KCNIP2: variants seen among roughly 807,000 people sequenced by gnomAD.
KCNIP2 encodes the protein A-type potassium channel modulatory protein KCNIP2.
A neutral mutation model predicts 39.0 loss-of-function variants in KCNIP2; 19 were observed. That is an observed-to-expected ratio of 0.49 (90% confidence interval 0.34 to 0.71). The LOEUF (loss-of-function observed/expected upper bound fraction) is 0.71. Ranked by LOEUF, KCNIP2 falls within the 30% of genes least tolerant of loss-of-function variation. The pLI is 0.01. For missense variants in KCNIP2, 261 were observed against 346.0 expected, an observed-to-expected ratio of 0.75 and a Z score of 1.95; for synonymous variants, 111 against 131.2, an observed-to-expected ratio of 0.85 and a Z score of 1.05.
At position 101,834,416 on chromosome 10, in the gene KCNIP2, C is replaced by G. The variant is rs761630035; in HGVS notation, c.74-3249G>C. The G allele has an allele frequency of 1.5e-5, 6 of 398,960 alleles. No homozygotes were observed. The South Asian group carries it at 5.1e-4, about 34-fold the overall frequency. The allele number at this position is 398,960 out of a possible 1,614,324, so 24.7% of individuals were successfully genotyped here. On this transcript the variant is annotated intron_variant, in intron 1 of 9. Coordinates refer to ENST00000356640, the MANE Select transcript of KCNIP2 (RefSeq NM_173191.3). Reference sequence around the variant, plus strand: ...CTACAGGGCCCAGGTTCAGATACGCCGGTTCACCGCCTCACACCACCTCCC... The same window carrying G: ...CTACAGGGCCCAGGTTCAGATACGCGGGTTCACCGCCTCACACCACCTCCC...
chr10:101,832,148 T>G (rs1362313713), intron 1 of KCNIP2, among the ~76,000 whole-genome samples: 2 of 152,192 alleles, frequency 1.3e-5, no homozygotes, highest in East Asian at 3.8e-4. Flanking sequence ...GTAAACTTTG[T>G]GGCAATAAGA....
chr10:101,831,275 G>A lies in KCNIP2; in HGVS notation c.74-108C>T, dbSNP rs896146147. The A allele has an allele frequency of 8.1e-6, 7 of 868,276 alleles. No individual in the cohort carries two copies. In the African/African-American group the frequency reaches 1.2e-4, roughly 15 times the overall value. 53.8% of individuals were successfully genotyped at this position (868,276 alleles called of 1,614,324 possible). A position where few individuals can be genotyped will look rare whatever the true frequency, so the allele number is the denominator to read the frequency against. ...CAACCCCATCTGGGGACCGGGCTGGGGGAGGAATTAAGGGGAGGAAAGGAA... is the reference window on the plus strand; with the variant it reads ...CAACCCCATCTGGGGACCGGGCTGGAGGAGGAATTAAGGGGAGGAAAGGAA... On this transcript the variant is annotated intron_variant, in intron 1 of 9. Coordinates refer to ENST00000356640, the MANE Select transcript of KCNIP2 (RefSeq NM_173191.3).
rs1339953903 is a variant in KCNIP2, at chr10:101,829,099, C to A, written c.324G>T (p.Gln108His). Residue 108 changes from glutamine to histidine, a missense_variant, in exon 4 of 10, where the codon CAG (glutamine) becomes CAT (histidine). Physicochemically the swap from Gln to His is conservative, Grantham distance 24 (BLOSUM62 0). Transcript: ENST00000356640. ...CGTTCTTGAAGCCCCGGTACAGGAC[C>A]TGCAACTCCTTGCGCGTGAATTTGG... ...EQTKFTRKEL[Q>H]VLYRGFKNEC... 1.9e-6 allele frequency: 3 copies of A among 1,614,096 alleles called. No homozygotes were observed. The Admixed American group carries it at 5.0e-5, about 27-fold the overall frequency.
chr10:101,842,659 G>A (rs1438483501), intron 1 of KCNIP2, among the ~76,000 whole-genome samples: 1 of 152,194 alleles, frequency 6.6e-6, no homozygotes, highest in Admixed American at 6.5e-5. Context: ...CTGGGCAGCT[G>A]AACACTAAAG....
chr10:101,831,400 C>A (rs151226756), intron 1 of KCNIP2, among the ~76,000 whole-genome samples: 1 of 152,108 alleles, frequency 6.6e-6, no homozygotes, highest in Non-Finnish European at 1.5e-5. Flanking sequence ...GACAGCGAGG[C>A]GGCAAGGATG....
chr10:101,828,307 A>T lies in KCNIP2; in HGVS notation c.490-49T>A, dbSNP rs749986874. On this transcript the variant is annotated intron_variant, in intron 6 of 9. Transcript: ENST00000356640. The surrounding 1 kb of genome is among the most constrained non-coding windows in gnomAD (Gnocchi z 6.6). ...TGTGTCCTCGGGTACTCTTCACCCA[A>T]CTCCTTCTCTGGGTTTGGCCTGGAG... 10 of 1,609,530 alleles carry T rather than the reference A, an allele frequency of 6.2e-6. No individual in the cohort carries two copies. The highest frequency in any genetic ancestry group is 8.5e-6 in the Non-Finnish European group (10 of 1,176,284).
At position 101,829,047 on chromosome 10, in the gene KCNIP2, G is replaced by A. The variant is rs767300433; in HGVS notation, c.348+28C>T. On this transcript the variant is annotated intron_variant, in intron 4 of 9. Coordinates refer to ENST00000356640, the MANE Select transcript of KCNIP2 (RefSeq NM_173191.3). ...GCTTGGGTCCTCCTGTCCCACCCTC[G>A]CTGAGTTTGGCCTCGCCTTGCACTC... The A allele has an allele frequency of 1.0e-5, 16 of 1,604,732 alleles. No individual in the cohort carries two copies. The South Asian group carries it at 1.3e-4, about 13-fold the overall frequency.
At chr10:101,840,368 G>A (rs937814058) in intron 1 of KCNIP2, among the ~76,000 whole-genome samples, 1 of 151,952 alleles carries the variant, frequency 6.6e-6, no homozygotes, top group African/African-American at 2.4e-5. Context: ...GGAGAAAGAG[G>A]CCAGTGTATT....
chr10:101,830,476 A>C (rs2065933814), intron 2 of KCNIP2: 10 of 1,273,170 alleles, frequency 7.9e-6, no homozygotes, highest in Non-Finnish European at 1.0e-5. Context: ...ACAGGCCGCC[A>C]CAGCTACACA....
intron 1 of KCNIP2, chr10:101,839,731 T>C (rs1372684311): frequency 2.5e-6 from 4 of 1,607,782 alleles, no homozygotes; most frequent in East Asian, 2.2e-5. Context: ...ATCCTGCCCC[T>C]CCCTTCCCTT....
At position 101,826,999 on chromosome 10, in the gene KCNIP2, G is replaced by C. The variant is rs769517105; in HGVS notation, c.*354C>G. ...CTTAGGGGAAATGTTTATGAGGTCAGGGATGGGGGAAGCACCATAGCAGGA... is the reference window on the plus strand; with the variant it reads ...CTTAGGGGAAATGTTTATGAGGTCACGGATGGGGGAAGCACCATAGCAGGA... On this transcript the variant is annotated 3_prime_UTR_variant, in exon 10 of 10. Coordinates refer to ENST00000356640, the MANE Select transcript of KCNIP2 (RefSeq NM_173191.3). 5.8e-5 allele frequency: 12 copies of C among 206,398 alleles called. No individual in the cohort carries two copies. The highest frequency in any genetic ancestry group is 2.3e-5 in the African/African-American group (1 of 43,374). The allele number at this position is 206,398 out of a possible 1,614,324, so 12.8% of individuals were successfully genotyped here.
chr10:101,833,106 T>A (rs750091206), intron 1 of KCNIP2, among the ~76,000 whole-genome samples: 3 of 152,096 alleles, frequency 2.0e-5, no homozygotes, highest in Non-Finnish European at 4.4e-5. Context: ...GTTTCCTTCA[T>A]ATTTTTCCAG....
chr10:101,838,106 A>T lies in KCNIP2; in HGVS notation c.73+5390T>A, dbSNP rs1030391573. ...TTTTTCCAGGCTGTCCCTTCTCCCCACTCAGAGACTTCTCAAGTCCTCGGG... is the reference window on the plus strand; with the variant it reads ...TTTTTCCAGGCTGTCCCTTCTCCCCTCTCAGAGACTTCTCAAGTCCTCGGG... On this transcript the variant is annotated intron_variant, in intron 1 of 9. Transcript: ENST00000356640. This position sits in a 1 kb window ranked among gnomAD's most constrained non-coding sequence, Gnocchi z 4.0. 6.6e-6 allele frequency among the ~76,000 whole-genome samples: 1 copy of T among 152,044 alleles called. No individual in the cohort carries two copies. Among genetic ancestry groups the T allele is most frequent in the African/African-American group, 2.4e-5 (1 of 41,370 alleles).
chr10:101,828,528 A>C lies in KCNIP2; in HGVS notation c.419-69T>G. 6.3e-7 allele frequency: 1 copy of C among 1,597,778 alleles called. No individual in the cohort carries two copies. Among genetic ancestry groups the C allele is most frequent in the Non-Finnish European group, 8.6e-7 (1 of 1,166,572 alleles). On this transcript the variant is annotated intron_variant, in intron 5 of 9. Coordinates refer to ENST00000356640, the MANE Select transcript of KCNIP2 (RefSeq NM_173191.3). The surrounding 1 kb of genome is among the most constrained non-coding windows in gnomAD (Gnocchi z 6.6). ...ACTTCCTCCCTCTAAGGAGCTCCCC[A>C]TACCCCCCATCACCTTGGCATTCCC...
rs1262698846 is a variant in KCNIP2 at position 101,831,184 on chromosome 10, C to T, written c.74-17G>A. The T allele has an allele frequency of 1.7e-5, 26 of 1,564,790 alleles. No homozygotes were observed. Among genetic ancestry groups the T allele is most frequent in the African/African-American group, 6.8e-5 (5 of 73,828 alleles). On this transcript the variant is annotated splice_polypyrimidine_tract_variant and intron_variant, in intron 1 of 9. Coordinates refer to ENST00000356640, the MANE Select transcript of KCNIP2 (RefSeq NM_173191.3). ...GAGGGTGGCCTGGGAAGAGAGAAGACCCCAGGAAGGCACATTAACTCCCAT... is the reference window on the plus strand; with the variant it reads ...GAGGGTGGCCTGGGAAGAGAGAAGATCCCAGGAAGGCACATTAACTCCCAT...
chr10:101,839,095 C>T (rs1270726058), intron 1 of KCNIP2, among the ~76,000 whole-genome samples: 2 of 152,208 alleles, frequency 1.3e-5, no homozygotes, highest in East Asian at 3.9e-4. Context: ...TCCAGGTACA[C>T]ACAGTCTCAG....
In KCNIP2 at chr10:101,843,748, G is replaced by C. The variant is rs1225755228; in HGVS notation, c.-180C>G. 9.9e-6 allele frequency: 4 copies of C among 403,334 alleles called. No homozygotes were observed. The highest frequency in any genetic ancestry group is 3.8e-5 in the East Asian group (1 of 26,556). The allele number at this position is 403,334 out of a possible 1,614,324, so 25.0% of individuals were successfully genotyped here. A position where few individuals can be genotyped will look rare whatever the true frequency, so the allele number is the denominator to read the frequency against. ...GGTCTACCCGGAGGTCCTGGAGCAGGAGAGGGAACACTAGGCAGCAGGTGA... is the reference window on the plus strand; with the variant it reads ...GGTCTACCCGGAGGTCCTGGAGCAGCAGAGGGAACACTAGGCAGCAGGTGA... On this transcript the variant is annotated 5_prime_UTR_variant, in exon 1 of 10. Coordinates refer to ENST00000356640, the MANE Select transcript of KCNIP2 (RefSeq NM_173191.3). The surrounding 1 kb of genome is among the most constrained non-coding windows in gnomAD (Gnocchi z 6.7).
intron 2 of KCNIP2, chr10:101,830,376 A>C (rs2065925463): frequency 7.8e-7 from 1 of 1,281,132 alleles, no homozygotes; most frequent in Non-Finnish European, 1.0e-6. Context: ...TCAGGGGTCC[A>C]AAACACGGTG....
intron 1 of KCNIP2, chr10:101,839,623 C>T: frequency 1.2e-6 from 1 of 849,612 alleles, no homozygotes; most frequent in South Asian, 1.4e-5. Flanking sequence ...CTTGGAAGCC[C>T]TTTCCTTGGA....
Sources: allele counts gnomAD v4.1 joint callset (sites outside exome capture counted in the v4.1 genomes callset), GRCh38; gene constraint gnomAD v4.1.1; non-coding constraint Gnocchi (gnomAD v3.1); transcripts MANE v1.5; gene names NCBI Gene and HGNC (gene_info 2026-07-23, HGNC 2026-07-21).